The following C19orf38 variants were observed in gnomAD, a reference collection of about 807,000 sequenced individuals.
The protein encoded by C19orf38 is chromosome 19 open reading frame 38.
A neutral mutation model predicts 26.6 loss-of-function variants in C19orf38; 14 were observed. The ratio of observed to expected loss-of-function variants is 0.53; its 90% CI spans 0.35 to 0.82. The LOEUF is 0.82. Among genes scored for constraint, C19orf38 ranks in the 40% least tolerant of loss-of-function variants. C19orf38 has a pLI of 0.01. For synonymous variants in C19orf38, 132 were observed against 128.5 expected, an observed-to-expected ratio of 1.03 and a Z score of -0.18; for missense variants, 261 against 299.5, an observed-to-expected ratio of 0.87 and a Z score of 0.95.
intron 2 of C19orf38, among the ~76,000 whole-genome samples, chr19:10,853,212 A>G (rs1259281424): frequency 1.3e-5 from 2 of 151,820 alleles, no homozygotes; most frequent in Non-Finnish European, 2.9e-5. Flanking sequence ...ACAGCCGTGC[A>G]CCACCACGCC....
upstream of C19orf38, among the ~76,000 whole-genome samples, chr19:10,846,250 G>A (rs1259901469): frequency 6.6e-6 from 1 of 151,590 alleles, no homozygotes; most frequent in Non-Finnish European, 1.5e-5. Context: ...AGGCTGGAGT[G>A]CAGTGGCATG....
upstream of C19orf38, among the ~76,000 whole-genome samples, chr19:10,846,428 A>G (rs1229858033): frequency 1.3e-5 from 2 of 152,052 alleles, no homozygotes; most frequent in Non-Finnish European, 2.9e-5. Context: ...AGCTATTAAT[A>G]CAAATTTCTG....
At position 10,869,467 on chromosome 19, in the gene C19orf38, T is replaced by C; in HGVS notation, c.*100T>C. On this transcript the variant is annotated 3_prime_UTR_variant, in exon 7 of 7. Coordinates refer to ENST00000397820, the MANE Select transcript of C19orf38 (RefSeq NM_001136482.3). The stretch of plus-strand genomic sequence containing the variant: ...CTCTGTCAGCCACTTTCTCAGGGAA[T>C]TGGACAGAGGAAAGGAAGGGGAACC... 7.1e-7 allele frequency: 1 copy of C among 1,403,068 alleles called. No individual in the cohort carries two copies. The highest frequency in any genetic ancestry group is 1.5e-5 in the South Asian group (1 of 67,680). The allele number at this position is 1,403,068 out of a possible 1,614,324, so 86.9% of individuals were successfully genotyped here.
At chr19:10,850,612 T>A in intron 2 of C19orf38, 45 bp downstream of exon 2, 1 of 1,534,288 alleles carries the variant, frequency 6.5e-7, no homozygotes, top group Non-Finnish European at 8.8e-7. Flanking sequence ...CTTAATTTTC[T>A]CACATGGACC....
At chr19:10,853,473 A>C (rs967359796) in intron 2 of C19orf38, among the ~76,000 whole-genome samples, 1 of 139,558 alleles carries the variant, frequency 7.2e-6, no homozygotes, top group African/African-American at 2.7e-5. Flanking sequence ...TTTAGTAGAG[A>C]TGGGGTTTCA....
chr19:10,858,441 C>T, intron 4 of C19orf38, 98 bp downstream of exon 4: 1 of 1,186,822 alleles, frequency 8.4e-7, no homozygotes, highest in Admixed American at 2.6e-5. Context: ...AACAGCGCCT[C>T]CTGGTGGGCA....
Position 10,858,382 on chromosome 19 carries a change from G to C in C19orf38, c.461+39G>C. ...TGGAGACCCACAGAGGGTGGTTTGG[G>C]GAAAGAAGGACACTTCCCTGGCAGG... On this transcript the variant is annotated intron_variant, in intron 4 of 6. Coordinates refer to ENST00000397820, the MANE Select transcript of C19orf38 (RefSeq NM_001136482.3). 3 of 1,522,498 alleles carry C rather than the reference G, an allele frequency of 2.0e-6. No homozygotes were observed. In the South Asian group the frequency reaches 3.7e-5, roughly 19 times the overall value. The allele number at this position is 1,522,498 out of a possible 1,614,324, so 94.3% of individuals were successfully genotyped here.
chr19:10,846,090 G>A (rs1290653838), upstream of C19orf38, among the ~76,000 whole-genome samples: 1 of 151,580 alleles, frequency 6.6e-6, no homozygotes, highest in Non-Finnish European at 1.5e-5. Flanking sequence ...GCTGAGATGG[G>A]ATGATCTCTT....
chr19:10,863,329 G>A, intron 6 of C19orf38, 122 bp downstream of exon 6: 4 of 1,152,456 alleles, frequency 3.5e-6, no homozygotes, highest in Non-Finnish European at 5.0e-6. Context: ...GGGGGGGCTA[G>A]GAAAAGCCCA....
intron 1 of C19orf38, among the ~76,000 whole-genome samples, chr19:10,842,792 T>C (rs2073488313): frequency 1.3e-5 from 2 of 151,426 alleles, no homozygotes; most frequent in East Asian, 3.9e-4. Flanking sequence ...TGACTCAGGA[T>C]TTTTCTTAGC....
intron 2 of C19orf38, among the ~76,000 whole-genome samples, chr19:10,855,597 C>G: frequency 6.6e-6 from 1 of 152,310 alleles, no homozygotes; most frequent in Middle Eastern, 3.4e-3. Context: ...GGCGCCATCT[C>G]AGCTCACTGC....
At chr19:10,859,268 GTGTGTGTGTGTA>G (rs1289675954) in intron 4 of C19orf38, among the ~76,000 whole-genome samples, 2 of 138,974 alleles carry the variant, frequency 1.4e-5, no homozygotes, top group African/African-American at 2.7e-5. Flanking sequence ...GTGTGTGTGT[GTGTGTGTGTGTA>G]TGTGTGTGTG....
rs1313384035 is a variant in C19orf38 at position 10,859,356 on chromosome 19, A to G, written c.462-559A>G. Among the ~76,000 whole-genome samples the G allele has an allele frequency of 9.3e-3, 296 of 31,992 alleles. 1 individual carries two copies. The highest frequency in any genetic ancestry group is 0.038 in the African/African-American group (172 of 4,490). The allele number at this position is 31,992 out of a possible 152,430, so 21.0% of individuals were successfully genotyped here. A position where few individuals can be genotyped will look rare whatever the true frequency, so the allele number is the denominator to read the frequency against. ...TGTGTGTGTGTGTGTGTGTATATAT[A>G]TATATATATATATATATATATATAT... On this transcript the variant is annotated intron_variant, in intron 4 of 6. Coordinates refer to ENST00000397820, the MANE Select transcript of C19orf38 (RefSeq NM_001136482.3).
intron 5 of C19orf38, among the ~76,000 whole-genome samples, chr19:10,860,659 G>GGAGA (rs2073688766): frequency 6.7e-6 from 1 of 149,040 alleles, no homozygotes; most frequent in Non-Finnish European, 1.5e-5. Context: ...GGCTAAAACA[G>GGAGA]TGAAACCCCA....
At chr19:10,858,458 G>T (rs34464972) in intron 4 of C19orf38, 115 bp downstream of exon 4, 1 of 1,014,708 alleles carries the variant, frequency 9.9e-7, no homozygotes, top group African/African-American at 1.6e-5. Context: ...GGCATGCTGC[G>T]TAATAGGAAC....
chr19:10,844,780 G>A (rs1361352052), upstream of C19orf38, among the ~76,000 whole-genome samples: 8 of 151,306 alleles, frequency 5.3e-5, no homozygotes, highest in African/African-American at 1.9e-4. Context: ...CCCAGGAGGT[G>A]GAGCTTGCAG....
At chr19:10,862,312 C>G (rs894203593) in intron 5 of C19orf38, among the ~76,000 whole-genome samples, 2 of 151,354 alleles carry the variant, frequency 1.3e-5, no homozygotes, top group Non-Finnish European at 2.9e-5. Flanking sequence ...TGAAGTGATC[C>G]TCCCCTCTCA....
Position 10,866,688 on chromosome 19 carries a change from C to T in C19orf38, c.544-2530C>T, listed in dbSNP as rs1055848615. 3.3e-5 allele frequency among the ~76,000 whole-genome samples: 5 copies of T among 150,026 alleles called. No individual in the cohort carries two copies. In the East Asian group the frequency reaches 6.0e-4, roughly 18 times the overall value. ...TTTGGAGACGGAGTTTCGCAATTAT[C>T]GTCCAGGCTGGAGTGCAGTGGTGCC... On this transcript the variant is annotated intron_variant, in intron 6 of 6. Transcript: ENST00000397820.
At position 10,869,774 on chromosome 19, in the gene C19orf38, A is replaced by G; in HGVS notation, c.*407A>G. The G allele has an allele frequency of 5.6e-6, 1 of 179,434 alleles. No individual in the cohort carries two copies. Among genetic ancestry groups the G allele is most frequent in the Non-Finnish European group, 1.2e-5 (1 of 86,626 alleles). The allele number at this position is 179,434 out of a possible 1,614,324, so 11.1% of individuals were successfully genotyped here. The stretch of plus-strand genomic sequence containing the variant: ...TGGCTTGCTTAAGTTATTAATTATA[A>G]CACGGGTCAAGGTGTTCCCAGGCCT... On this transcript the variant is annotated 3_prime_UTR_variant, in exon 7 of 7. Transcript: ENST00000397820.
Sources: gnomAD v4.1 joint callset for allele counts (sites outside exome capture counted in the v4.1 genomes callset) on GRCh38, gnomAD v4.1.1 for gene constraint, MANE v1.5 for transcripts, NCBI Gene and HGNC (gene_info 2026-07-23, HGNC 2026-07-21) for gene names.